Variants in PLCL2 observed in about 807,000 individuals in gnomAD.
PLCL2 encodes phospholipase C like 2.
Under a neutral mutation model 79.6 loss-of-function variants are expected in PLCL2, and 4 were observed. That is an observed-to-expected ratio of 0.05 (90% CI 0.02 to 0.11). The LOEUF (loss-of-function observed/expected upper bound fraction) is 0.11, where lower values mean the gene tolerates loss of function less well. Among genes scored for constraint, PLCL2 ranks in the 10% least tolerant of loss-of-function variants. The pLI, the probability that PLCL2 is intolerant of heterozygous loss-of-function variation, is 1.00. For missense variants in PLCL2, 895 were observed against 1,291.0 expected, an observed-to-expected ratio of 0.69 and a Z score of 4.70; for synonymous variants, 484 against 457.7, an observed-to-expected ratio of 1.06 and a Z score of -0.73.
At chr3:16,954,508 G>A (rs1181511151) in intron 1 of PLCL2, among the ~76,000 whole-genome samples, 15 of 152,094 alleles carry the variant, frequency 9.9e-5, no homozygotes, top group Non-Finnish European at 1.9e-4. Flanking sequence ...TGTCTTTATA[G>A]CAGCATGATT....
intron 1 of PLCL2, among the ~76,000 whole-genome samples, chr3:16,941,439 G>C (rs1410965643): frequency 6.6e-6 from 1 of 152,088 alleles, no homozygotes; most frequent in Non-Finnish European, 1.5e-5. Flanking sequence ...TCCAGCCCCA[G>C]CCTCAGCAGC....
At chr3:17,045,226 CAA>C (rs1383207882) in intron 4 of PLCL2, among the ~76,000 whole-genome samples, 1 of 152,090 alleles carries the variant, frequency 6.6e-6, no homozygotes, top group Non-Finnish European at 1.5e-5. Context: ...TATAGGTCAC[CAA>C]AGTGCTGCAA....
intron 1 of PLCL2, among the ~76,000 whole-genome samples, chr3:16,898,730 CA>C (rs1202749854): frequency 6.6e-6 from 1 of 152,236 alleles, no homozygotes; most frequent in African/African-American, 2.4e-5. Flanking sequence ...AAGCTGTCCC[CA>C]GATACAGTTT....
intron 1 of PLCL2, among the ~76,000 whole-genome samples, chr3:16,995,819 G>T (rs2064147904): frequency 6.6e-6 from 1 of 152,160 alleles, no homozygotes; most frequent in African/African-American, 2.4e-5. Context: ...TTTTCAGCCT[G>T]AATTCTGCTT....
intron 1 of PLCL2, among the ~76,000 whole-genome samples, chr3:16,960,488 T>C (rs979892804): frequency 2.6e-5 from 4 of 152,248 alleles, no homozygotes; most frequent in African/African-American, 4.8e-5. Flanking sequence ...CTCAGGGCCC[T>C]TGGGAGTTTG....
intron 1 of PLCL2, among the ~76,000 whole-genome samples, chr3:16,915,787 C>T (rs1479240241): frequency 2.0e-5 from 3 of 152,082 alleles, no homozygotes; most frequent in African/African-American, 2.4e-5. Flanking sequence ...GGGAAAAGGA[C>T]AATGCTTCTG....
intron 1 of PLCL2, among the ~76,000 whole-genome samples, chr3:16,995,553 C>T (rs1271114854): frequency 6.6e-6 from 1 of 152,206 alleles, no homozygotes; most frequent in Non-Finnish European, 1.5e-5. Context: ...TACCCCAAAT[C>T]CATGTAATTG....
intron 1 of PLCL2, among the ~76,000 whole-genome samples, chr3:16,989,405 A>C (rs1375111711): frequency 2.0e-5 from 3 of 152,174 alleles, no homozygotes; most frequent in African/African-American, 7.2e-5. Context: ...ATTATTGAGC[A>C]CTAAAAAATG....
chr3:16,964,986 T>C (rs1206808037), intron 1 of PLCL2, among the ~76,000 whole-genome samples: 10 of 152,006 alleles, frequency 6.6e-5, no homozygotes, highest in South Asian at 2.1e-4. Context: ...TTCACTCTGA[T>C]GGTAGTTTCT....
intron 4 of PLCL2, among the ~76,000 whole-genome samples, chr3:17,045,019 T>A (rs1471205175): frequency 6.6e-6 from 1 of 152,210 alleles, no homozygotes; most frequent in African/African-American, 2.4e-5. Flanking sequence ...CAGTTACTGA[T>A]GAACGCCTAC....
At chr3:16,909,944 C>A (rs552067568) in intron 1 of PLCL2, among the ~76,000 whole-genome samples, 10 of 152,170 alleles carry the variant, frequency 6.6e-5, no homozygotes, top group African/African-American at 1.4e-4. Flanking sequence ...ATCACACACA[C>A]AGATTCTGCC....
chr3:17,075,947 A>G (rs1476647792), intron 5 of PLCL2, among the ~76,000 whole-genome samples: 1 of 152,204 alleles, frequency 6.6e-6, no homozygotes, highest in Non-Finnish European at 1.5e-5. Context: ...TGTTGTTTCC[A>G]ATTTTTAGCT....
At chr3:17,024,721 C>T (rs1203462986) in intron 3 of PLCL2, among the ~76,000 whole-genome samples, 1 of 152,142 alleles carries the variant, frequency 6.6e-6, no homozygotes, top group African/African-American at 2.4e-5. Context: ...ACTAGCTGAC[C>T]TAGAACATGT....
chr3:17,028,232 C>G (rs1280106558), intron 3 of PLCL2, among the ~76,000 whole-genome samples: 1 of 152,094 alleles, frequency 6.6e-6, no homozygotes, highest in Non-Finnish European at 1.5e-5. Flanking sequence ...TTTCCTAAGG[C>G]GAGGAGGAGG....
intron 3 of PLCL2, among the ~76,000 whole-genome samples, chr3:17,035,931 A>G (rs2064646570): frequency 6.6e-6 from 1 of 152,164 alleles, no homozygotes; most frequent in African/African-American, 2.4e-5. Flanking sequence ...TATCAAGCGC[A>G]TGTCAAGTTC....
intron 1 of PLCL2, among the ~76,000 whole-genome samples, chr3:16,992,016 C>A (rs2064109662): frequency 6.6e-6 from 1 of 152,178 alleles, no homozygotes; most frequent in South Asian, 2.1e-4. Flanking sequence ...AGCAGCCCTG[C>A]AAAGAATTTC....
chr3:17,038,477 G>A (rs1305372149), intron 3 of PLCL2, among the ~76,000 whole-genome samples: 6 of 152,114 alleles, frequency 3.9e-5, no homozygotes, highest in Admixed American at 3.9e-4. Flanking sequence ...ACGTATCAGT[G>A]TAATATACAC....
chr3:17,071,306 T>A (rs1442529795), intron 5 of PLCL2, among the ~76,000 whole-genome samples: 1 of 152,220 alleles, frequency 6.6e-6, no homozygotes, highest in African/African-American at 2.4e-5. Flanking sequence ...GAATCTTTAC[T>A]TGCCTAGTTT....
rs977221964 is a variant in PLCL2, at chr3:16,901,368, C to T, written c.327+16002C>T. ...TGAGGTCAAGGTCTCAGGCTGTCCT[C>T]CTTTGTGTAGGGAGCTTTGCAGAGA... On this transcript the variant is annotated intron_variant, in intron 1 of 5. Transcript: ENST00000615277. Among the ~76,000 whole-genome samples the T allele has an allele frequency of 4.6e-5, 7 of 152,308 alleles. No homozygotes were observed. The South Asian group carries it at 8.3e-4, about 18-fold the overall frequency.
Sources: allele counts gnomAD v4.1 joint callset (sites outside exome capture counted in the v4.1 genomes callset), GRCh38; gene constraint gnomAD v4.1.1; transcripts MANE v1.5; gene names NCBI Gene and HGNC (gene_info 2026-07-23, HGNC 2026-07-21).